Variants in LHPP observed in about 807,000 individuals in gnomAD.
LHPP encodes the protein hLHPP.
Under a neutral mutation model 30.3 loss-of-function variants are expected in LHPP, and 24 were observed. The observed-to-expected ratio is 0.79, with a 90% confidence interval of 0.57 to 1.11. The LOEUF (loss-of-function observed/expected upper bound fraction) is 1.11. Ranked by LOEUF, LHPP falls within the 50% of genes most tolerant of loss-of-function variation. LHPP has a pLI of 0.00. For missense variants in LHPP, 356 were observed against 367.2 expected (o/e 0.97, Z 0.25); for synonymous variants, 150 against 157.1 (o/e 0.95, Z 0.34).
intron 1 of LHPP, among the ~76,000 whole-genome samples, chr10:124,481,059 G>T (rs1953109207): frequency 6.6e-6 from 1 of 152,164 alleles, no homozygotes; most frequent in Non-Finnish European, 1.5e-5. Flanking sequence ...TGTTAATGGG[G>T]GATTGTGGAG....
intron 1 of LHPP, among the ~76,000 whole-genome samples, chr10:124,471,763 A>G (rs1589757899): frequency 9.7e-6 from 1 of 103,354 alleles, no homozygotes. Context: ...ATATATATAT[A>G]TTTATATATA....
chr10:124,574,688 G>A (rs970294198), intron 6 of LHPP, among the ~76,000 whole-genome samples: 2 of 152,186 alleles, frequency 1.3e-5, no homozygotes, highest in South Asian at 4.1e-4. Flanking sequence ...GGCCCCGTAG[G>A]GCCAGAGGGG....
At chr10:124,472,377 G>C (rs896792332) in intron 1 of LHPP, among the ~76,000 whole-genome samples, 5 of 152,170 alleles carry the variant, frequency 3.3e-5, no homozygotes, top group Non-Finnish European at 5.9e-5. Flanking sequence ...AGAAGTTTAT[G>C]TGAGTGCTGG....
chr10:124,602,470 G>A (rs1309394352), intron 6 of LHPP, among the ~76,000 whole-genome samples: 2 of 152,140 alleles, frequency 1.3e-5, no homozygotes, highest in African/African-American at 4.8e-5. Flanking sequence ...AGAGCTCTGG[G>A]TTGTGGGCAG....
chr10:124,554,660 A>C (rs746519025), intron 6 of LHPP, among the ~76,000 whole-genome samples: 29 of 149,674 alleles, frequency 1.9e-4, no homozygotes, highest in Non-Finnish European at 3.7e-4. Flanking sequence ...CCCAGGTGGG[A>C]GGGGCCAGGT....
At position 124,576,481 on chromosome 10, in the gene LHPP, G is replaced by C. The variant is rs1589878688; in HGVS notation, c.717-36783G>C. Among the ~76,000 whole-genome samples the C allele has an allele frequency of 9.6e-6, 1 of 103,900 alleles. No individual in the cohort carries two copies. Among genetic ancestry groups the C allele is most frequent in the South Asian group, 3.0e-4 (1 of 3,288 alleles). 68.2% of individuals were successfully genotyped at this position (103,900 alleles called of 152,430 possible). ...CCTGCCTCCAGAACCCCTATATCTTGCTCCCACTCCCTACCATATGCTGTT... is the reference window on the plus strand; with the variant it reads ...CCTGCCTCCAGAACCCCTATATCTTCCTCCCACTCCCTACCATATGCTGTT... On this transcript the variant is annotated intron_variant, in intron 6 of 6. Transcript: ENST00000368842. This position sits in a 1 kb window ranked among gnomAD's most constrained non-coding sequence, Gnocchi z 4.2.
chr10:124,515,733 G>C (rs1954433944), intron 5 of LHPP, among the ~76,000 whole-genome samples: 2 of 152,252 alleles, frequency 1.3e-5, no homozygotes, highest in South Asian at 4.1e-4. Context: ...AGTGAAGCCA[G>C]CGGCTTCTGA....
rs567422991 is a variant in LHPP at position 124,561,282 on chromosome 10, G to C, written c.716+44011G>C. Among the ~76,000 whole-genome samples, 19 of 152,276 alleles carry C rather than the reference G, an allele frequency of 1.2e-4. No homozygotes were observed. In the South Asian group the frequency reaches 3.9e-3, roughly 32 times the overall value. ...CCAGCAAGGGCTCAGCAGGGATCCTGGACCAAAACACTGACCAGGCTGAAA... is the reference window on the plus strand; with the variant it reads ...CCAGCAAGGGCTCAGCAGGGATCCTCGACCAAAACACTGACCAGGCTGAAA... On this transcript the variant is annotated intron_variant, in intron 6 of 6. Transcript: ENST00000368842.
intron 5 of LHPP, among the ~76,000 whole-genome samples, chr10:124,508,746 C>T (rs1954226377): frequency 6.6e-6 from 1 of 152,130 alleles, no homozygotes; most frequent in Admixed American, 6.5e-5. Context: ...CCCAGAATAA[C>T]ACAAATCATG....
At position 124,589,856 on chromosome 10, in the gene LHPP, G is replaced by A. The variant is rs566993727; in HGVS notation, c.717-23408G>A. 9.9e-5 allele frequency among the ~76,000 whole-genome samples: 15 copies of A among 152,228 alleles called. 1 individual carries two copies. Among genetic ancestry groups the A allele is most frequent in the African/African-American group, 3.1e-4 (13 of 41,538 alleles). On this transcript the variant is annotated intron_variant, in intron 6 of 6. Transcript: ENST00000368842. ...GCGTGCAGCCCCGTCCTCCAGCCCC[G>A]CTCGGCTCTGAATGAGTTCATTATG... is the stretch of plus-strand genomic sequence containing the variant.
chr10:124,498,127 A>T lies in LHPP; in HGVS notation c.623A>T (p.Gln208Leu). ...ALQAIGVEAH[Q>L]AVMIGDDIVG... ...CAAGCGATAGGAGTGGAAGCCCACC[A>T]GGTAGGTTGGCGCCTTGTGAAGTGG... Residue 208 changes from glutamine to leucine, a missense_variant and splice_region_variant, in exon 5 of 7, where the codon CAG becomes CTG. Transcript: ENST00000368842. 1 of 1,613,532 alleles carries T rather than the reference A, an allele frequency of 6.2e-7. No individual in the cohort carries two copies. Among genetic ancestry groups the T allele is most frequent in the Non-Finnish European group, 8.5e-7 (1 of 1,179,480 alleles).
At chr10:124,586,674 T>G (rs1296197163) in intron 6 of LHPP, among the ~76,000 whole-genome samples, 3 of 152,206 alleles carry the variant, frequency 2.0e-5, no homozygotes, top group African/African-American at 7.2e-5. Flanking sequence ...AGGAGACGAC[T>G]TTCCAGGGCA....
intron 6 of LHPP, among the ~76,000 whole-genome samples, chr10:124,558,778 C>T (rs537777356): frequency 1.3e-5 from 2 of 152,332 alleles, no homozygotes; most frequent in South Asian, 2.1e-4. Context: ...TAGTAGGACA[C>T]AGATGTCTCA....
intron 1 of LHPP, among the ~76,000 whole-genome samples, chr10:124,468,755 G>A (rs1054644901): frequency 1.3e-5 from 2 of 152,162 alleles, no homozygotes; most frequent in African/African-American, 4.8e-5. Flanking sequence ...CTTTCTGTTG[G>A]CTTTTAAGGG....
chr10:124,512,490 G>A lies in LHPP; in HGVS notation c.625-4690G>A, dbSNP rs563926216. ...CAAACAGCGGGGCATGGTGGCAGCC[G>A]CCTGTAATCCCAGCTACTCAGGAGG... On this transcript the variant is annotated intron_variant, in intron 5 of 6. Transcript: ENST00000368842. Among the ~76,000 whole-genome samples, 20 of 151,860 alleles carry A rather than the reference G, an allele frequency of 1.3e-4. No homozygotes were observed. In the South Asian group the frequency reaches 4.0e-3, roughly 30 times the overall value.
At chr10:124,606,148 C>T (rs1244611859) in intron 6 of LHPP, among the ~76,000 whole-genome samples, 1 of 152,162 alleles carries the variant, frequency 6.6e-6, no homozygotes, top group Admixed American at 6.5e-5. Context: ...GAGGAGAACC[C>T]GCAGCCGCCC....
At chr10:124,465,500 G>A (rs1396569874) in intron 1 of LHPP, among the ~76,000 whole-genome samples, 1 of 152,210 alleles carries the variant, frequency 6.6e-6, no homozygotes, top group Non-Finnish European at 1.5e-5. Context: ...TTTACATCCA[G>A]GCCTTGAAAT....
At chr10:124,574,010 A>ACG (rs1948622893) in intron 6 of LHPP, among the ~76,000 whole-genome samples, 1 of 152,078 alleles carries the variant, frequency 6.6e-6, no homozygotes, top group African/African-American at 2.4e-5. Flanking sequence ...GCTGCCCCAC[A>ACG]GGTGTCACCC....
Position 124,493,503 on chromosome 10 carries a change from A to C in LHPP, c.468-3458A>C, listed in dbSNP as rs1953597659. ...TGATTTACATTTGGCATCTGTTTGGACCCCAGAGTGGGAATTGGCTTTGTA... is the reference window on the plus strand; with the variant it reads ...TGATTTACATTTGGCATCTGTTTGGCCCCCAGAGTGGGAATTGGCTTTGTA... On this transcript the variant is annotated intron_variant, in intron 3 of 6. Coordinates refer to ENST00000368842, the MANE Select transcript of LHPP (RefSeq NM_022126.4). 2.0e-5 allele frequency among the ~76,000 whole-genome samples: 3 copies of C among 152,128 alleles called. No individual in the cohort carries two copies. In the South Asian group the frequency reaches 6.3e-4, roughly 32 times the overall value.
Sources: allele counts gnomAD v4.1 joint callset (sites outside exome capture counted in the v4.1 genomes callset), GRCh38; gene constraint gnomAD v4.1.1; non-coding constraint Gnocchi (gnomAD v3.1); transcripts MANE v1.5; gene names NCBI Gene and HGNC (gene_info 2026-07-23, HGNC 2026-07-21).